Variants in PODNL1 observed in about 807,000 individuals in gnomAD.
PODNL1 encodes the protein podocan like 1.
In PODNL1, 50 loss-of-function variants were observed where a neutral mutation model predicts 45.1. The ratio of observed to expected loss-of-function variants is 1.11; its 90% confidence interval spans 0.88 to 1.40. PODNL1 has a LOEUF of 1.40. Among genes scored for constraint, PODNL1 ranks in the 40% most tolerant of loss-of-function variants. PODNL1 has a pLI of 0.00. For missense variants in PODNL1, 788 were observed against 793.3 expected, an observed-to-expected ratio of 0.99 and a Z score of 0.08; for synonymous variants, 406 against 372.5, an observed-to-expected ratio of 1.09 and a Z score of -1.04.
intron 1 of PODNL1, among the ~76,000 whole-genome samples, chr19:13,947,997 G>T (rs945815331): frequency 6.6e-6 from 1 of 151,798 alleles, no homozygotes; most frequent in Non-Finnish European, 1.5e-5. Flanking sequence ...GTAGCTGGGA[G>T]TACAGGCTCA....
chr19:13,946,817 C>T (rs978753092), intron 1 of PODNL1, among the ~76,000 whole-genome samples: 2 of 151,902 alleles, frequency 1.3e-5, no homozygotes, highest in Non-Finnish European at 2.9e-5. Flanking sequence ...CTTTGGGAGG[C>T]CGAGGTGGGC....
In PODNL1 at chr19:13,934,265, G is replaced by T; in HGVS notation, c.640C>A (p.Leu214Ile). ...PPSLPPSLER[L>I]HLQNNLISKV... The stretch of plus-strand genomic sequence containing the variant: ...TACAGCAGGGCTACCTGCAGGTGGA[G>T]CCGCTCGAGTGAGGGCGGCAGGCTG... The change falls in exon 6 of 10, where the codon CTC becomes ATC. Residue 214 changes from leucine (L) to isoleucine (I), a missense_variant. Coordinates refer to ENST00000588872, the MANE Select transcript of PODNL1 (RefSeq NM_001370095.3). The T allele has an allele frequency of 6.6e-7, 1 of 1,511,478 alleles. No homozygotes were observed. Among genetic ancestry groups the T allele is most frequent in the Non-Finnish European group, 8.8e-7 (1 of 1,132,676 alleles). The allele number at this position is 1,511,478 out of a possible 1,614,324, so 93.6% of individuals were successfully genotyped here.
At position 13,933,149 on chromosome 19, in the gene PODNL1, C is replaced by T. The variant is rs774547846; in HGVS notation, c.1074G>A (p.Leu358=). The change falls in exon 8 of 10, where the codon CTG becomes CTA. Residue 358 remains leucine, a synonymous_variant. Coordinates refer to ENST00000588872, the MANE Select transcript of PODNL1 (RefSeq NM_001370095.3). The surrounding 1 kb of genome is among the most constrained non-coding windows in gnomAD (Gnocchi z 5.2). ...CCAGCGCGGCCACGTGGTTGTGGGG[C>T]AGCACCAGGGCACGCAGGCGGCGGG... ...ALPRRLRALV[L]PHNHVAALGA... The T allele has an allele frequency of 6.5e-7, 1 of 1,529,906 alleles. No homozygotes were observed. The allele number at this position is 1,529,906 out of a possible 1,614,324, so 94.8% of individuals were successfully genotyped here.
At chr19:13,945,533 C>A (rs1349101901) in intron 1 of PODNL1, among the ~76,000 whole-genome samples, 1 of 151,584 alleles carries the variant, frequency 6.6e-6, no homozygotes, top group Non-Finnish European at 1.5e-5. Flanking sequence ...GCTGCCCAGG[C>A]TGGAGTGCAG....
intron 1 of PODNL1, among the ~76,000 whole-genome samples, chr19:13,945,197 T>C (rs1199365292): frequency 1.3e-5 from 2 of 152,136 alleles, no homozygotes; most frequent in Admixed American, 1.3e-4. Context: ...CTGTGCCCTG[T>C]ACATCTGTTG....
At chr19:13,934,184 G>A in intron 6 of PODNL1, 70 bp downstream of exon 6, 1 of 1,450,498 alleles carries the variant, frequency 6.9e-7, no homozygotes. Flanking sequence ...GGAAAGCTAG[G>A]AACTGGAGGG....
Position 13,952,406 on chromosome 19 carries a change from G to A in PODNL1, c.18+713C>T, listed in dbSNP as rs540620226. 16 of 1,224,646 alleles carry A rather than the reference G, an allele frequency of 1.3e-5. No individual in the cohort carries two copies. The East Asian group carries it at 2.5e-4, about 19-fold the overall frequency. 75.9% of individuals were successfully genotyped at this position (1,224,646 alleles called of 1,614,324 possible). A position where few individuals can be genotyped will look rare whatever the true frequency, so the allele number is the denominator to read the frequency against. ...ATGGACAGGCATAGCGCGAGTGCGGGCTTTCGCCCAACCGGCGGGCCGCTG... is the reference window on the plus strand; with the variant it reads ...ATGGACAGGCATAGCGCGAGTGCGGACTTTCGCCCAACCGGCGGGCCGCTG... On this transcript the variant is annotated intron_variant, in intron 1 of 7. Coordinates refer to the PODNL1 transcript ENST00000538371.
chr19:13,931,553 T>C lies in PODNL1; in HGVS notation c.*184A>G. On this transcript the variant is annotated 3_prime_UTR_variant, in exon 10 of 10. Coordinates refer to ENST00000588872, the MANE Select transcript of PODNL1 (RefSeq NM_001370095.3). ...TAGGGTGTGTCCCGCCAGGCCGGCGTGGTCTGTGAGCCTGGAGTATGCCAG... is the reference window on the plus strand; with the variant it reads ...TAGGGTGTGTCCCGCCAGGCCGGCGCGGTCTGTGAGCCTGGAGTATGCCAG... The C allele has an allele frequency of 1.7e-6, 1 of 571,752 alleles. No individual in the cohort carries two copies. Among genetic ancestry groups the C allele is most frequent in the Non-Finnish European group, 2.6e-6 (1 of 385,348 alleles). The allele number at this position is 571,752 out of a possible 1,614,324, so 35.4% of individuals were successfully genotyped here.
chr19:13,943,875 T>C (rs1184584937), intron 1 of PODNL1, among the ~76,000 whole-genome samples: 1 of 152,152 alleles, frequency 6.6e-6, no homozygotes, highest in Non-Finnish European at 1.5e-5. Flanking sequence ...AAAGACCTGT[T>C]TTCCAAATCA....
intron 8 of PODNL1, chr19:13,932,523 G>T: frequency 1.3e-6 from 1 of 781,836 alleles, no homozygotes; most frequent in Non-Finnish European, 2.0e-6. Context: ...CACCACGCTT[G>T]GCTATGTTTT....
chr19:13,952,344 T>G, intron 1 of PODNL1: 1 of 988,962 alleles, frequency 1.0e-6, no homozygotes, highest in Non-Finnish European at 1.3e-6. Context: ...GCGGGGGCTG[T>G]TACTGTCGCT....
In PODNL1 at chr19:13,937,931, G is replaced by A. The variant is rs184726275; in HGVS notation, c.79C>T (p.His27Tyr). 1,240 of 1,552,134 alleles carry A rather than the reference G, an allele frequency of 8.0e-4. 1 individual carries two copies. Among genetic ancestry groups the A allele is most frequent in the South Asian group, 1.0e-3 (88 of 84,338 alleles). ...VAGLEDAAFP[H>Y]LGESLQPLPR... Reference sequence around the variant, plus strand: ...AGGGGCTGCAAGCTCTCCCCCAGGTGGGGGAAGGCAGCGTCTTCCAAGCCG... The same window carrying A: ...AGGGGCTGCAAGCTCTCCCCCAGGTAGGGGAAGGCAGCGTCTTCCAAGCCG... The change falls in exon 2 of 10, where the codon CAC becomes TAC. Residue 27 changes from histidine to tyrosine, a missense_variant. His to Tyr is a moderately conservative substitution (Grantham distance 83). Transcript: ENST00000588872.
chr19:13,952,738 TGGGGGCGGGGCCCCAGGGGA>T, intron 1 of PODNL1: 1 of 83,786 alleles, frequency 1.2e-5, no homozygotes, highest in Non-Finnish European at 2.1e-5. Context: ...GGTGAGGGGT[TGGGGGCGGGGCCCCAGGGGA>T]GGGGGCTCGG....
chr19:13,952,994 T>C (rs67764456), intron 1 of PODNL1: 158,455 of 1,124,708 alleles, frequency 0.14, 12,427 homozygotes, highest in East Asian at 0.24. Flanking sequence ...GCTCCCATGG[T>C]TGCTCCATAA....
intron 1 of PODNL1, among the ~76,000 whole-genome samples, chr19:13,947,170 GAA>G (rs758733245): frequency 4.8e-4 from 13 of 27,086 alleles, no homozygotes; most frequent in African/African-American, 1.2e-3. Flanking sequence ...CTCCATCTCA[GAA>G]AAAAAAAAAA....
Position 13,934,348 on chromosome 19 carries a change from C to T in PODNL1, c.557G>A (p.Gly186Asp). 1.3e-6 allele frequency: 2 copies of T among 1,554,492 alleles called. No individual in the cohort carries two copies. Among genetic ancestry groups the T allele is most frequent in the Non-Finnish European group, 8.7e-7 (1 of 1,153,160 alleles). Residue 186 changes from glycine (G) to aspartate (D), a missense_variant, in exon 6 of 10, where the codon GGC (glycine) becomes GAC (aspartate). Gly to Asp is a moderately conservative substitution (Grantham distance 94). Coordinates refer to ENST00000588872, the MANE Select transcript of PODNL1 (RefSeq NM_001370095.3). ...GCTGAGGGTGGCGATGGCCTCGGAG[C>T]CGCGGAAGGCGTCGGGGGGCAGGCC... ...NAGLPPDAFR[G>D]SEAIATLSLS...
chr19:13,933,960 G>T lies in PODNL1; in HGVS notation c.685C>A (p.Leu229Met). The T allele has an allele frequency of 6.2e-7, 1 of 1,610,918 alleles. No homozygotes were observed. The highest frequency in any genetic ancestry group is 8.5e-7 in the Non-Finnish European group (1 of 1,178,630). Residue 229 changes from leucine (L) to methionine (M), a missense_variant, in exon 7 of 10, where the codon CTG becomes ATG. By Grantham distance (15) the Leu-to-Met change is conservative (BLOSUM62 2). This residue lies in a region of PODNL1 where 762 missense variants were observed against 750.9 expected (regional missense o/e 1.01). Coordinates refer to ENST00000588872, the MANE Select transcript of PODNL1 (RefSeq NM_001370095.3). The surrounding 1 kb of genome is among the most constrained non-coding windows in gnomAD (Gnocchi z 5.2). The part of the protein sequence containing the change: ...NLISKVPRGA[L>M]SRQTQLRELY... Reference sequence around the variant, plus strand: ...TCACGGAGTTGAGTCTGGCGGCTCAGGGCTCCTCGGGGCACCTTGGAGATG... The same window carrying T: ...TCACGGAGTTGAGTCTGGCGGCTCATGGCTCCTCGGGGCACCTTGGAGATG...
Position 13,933,262 on chromosome 19 carries a change from G to GC in PODNL1, c.960dup (p.Leu321AlafsTer50). 6.4e-7 allele frequency: 1 copy of GC among 1,558,072 alleles called. No individual in the cohort carries two copies. The highest frequency in any genetic ancestry group is 1.2e-5 in the South Asian group (1 of 86,176). On this transcript the variant is annotated frameshift_variant, in exon 8 of 10. Transcript: ENST00000588872. LOFTEE classifies it high-confidence loss of function. This position sits in a 1 kb window ranked among gnomAD's most constrained non-coding sequence, Gnocchi z 5.2. ...AGCGGCCGCAGAGCCCCGGCGGGCA[G>GC]CCCTGAGCTCCCCAGCTGGTTGTGC...
At chr19:13,940,516 A>G (rs1023166283), upstream of PODNL1, among the ~76,000 whole-genome samples, 1 of 137,898 alleles carries the variant, frequency 7.3e-6, no homozygotes, top group African/African-American at 2.7e-5. Flanking sequence ...GGTTGCAGTG[A>G]GCCGAGATCA....
Sources: allele counts gnomAD v4.1 joint callset (sites outside exome capture counted in the v4.1 genomes callset), GRCh38; gene constraint gnomAD v4.1.1; regional missense constraint gnomAD v4.1.1; non-coding constraint Gnocchi (gnomAD v3.1); transcripts MANE v1.5; gene names NCBI Gene and HGNC (gene_info 2026-07-23, HGNC 2026-07-21).